Variants in B3GLCT observed in about 807,000 individuals in gnomAD.
The protein encoded by B3GLCT is beta-1,3-glucosyltransferase.
A neutral mutation model predicts 63.4 loss-of-function variants in B3GLCT; 65 were observed. That is an observed-to-expected ratio of 1.03 (90% CI 0.84 to 1.26). The LOEUF is 1.26. B3GLCT is among the 50% of genes most tolerant of loss of function. The pLI is 0.00. For synonymous variants in B3GLCT, 233 were observed against 219.2 expected, an observed-to-expected ratio of 1.06 and a Z score of -0.55; for missense variants, 577 against 604.8, an observed-to-expected ratio of 0.95 and a Z score of 0.48.
chr13:31,249,855 A>G (rs115606427), intron 6 of B3GLCT, among the ~76,000 whole-genome samples: 6,894 of 152,344 alleles, frequency 0.045, 168 homozygotes, highest in East Asian at 0.052. Flanking sequence ...AAAAAAGTAT[A>G]AAGCAAACCT....
intron 2 of B3GLCT, among the ~76,000 whole-genome samples, chr13:31,215,654 T>G (rs1869522445): frequency 6.6e-6 from 1 of 152,106 alleles, no homozygotes. Context: ...CCTCAAGTGA[T>G]CCACCCACCT....
chr13:31,269,033 T>C (rs1257201479), intron 7 of B3GLCT, among the ~76,000 whole-genome samples, 181 bp from the exon 8 acceptor site: 3 of 152,220 alleles, frequency 2.0e-5, no homozygotes, highest in Non-Finnish European at 4.4e-5. Flanking sequence ...CTTGCATTCA[T>C]TTATTGGTCA....
chr13:31,225,905 C>T (rs1870077319), intron 3 of B3GLCT, among the ~76,000 whole-genome samples: 1 of 152,164 alleles, frequency 6.6e-6, no homozygotes, highest in Non-Finnish European at 1.5e-5. Flanking sequence ...ATATAAATCC[C>T]TCATGATTTG....
Position 31,229,219 on chromosome 13 carries a change from A to C in B3GLCT, c.195A>C (p.Gln65His), listed in dbSNP as rs1397646354. ...LKGIVFVIQS[Q>H]SNSFHAKRAE... ...GAATTGTATTCGTCATCCAGAGTCA[A>C]AGTAATTCTTTTCATGCAAAGAGAG... Residue 65 changes from glutamine (Q) to histidine (H), a missense_variant, in exon 4 of 15, where the codon CAA (glutamine) becomes CAC (histidine). Coordinates refer to ENST00000343307, the MANE Select transcript of B3GLCT (RefSeq NM_194318.4). The C allele has an allele frequency of 3.1e-6, 5 of 1,613,014 alleles. No individual in the cohort carries two copies. The highest frequency in any genetic ancestry group is 3.3e-5 in the Admixed American group (2 of 60,000).
At position 31,329,495 on chromosome 13, in the gene B3GLCT, C is replaced by G. The variant is rs753248859; in HGVS notation, c.1330-6C>G. The G allele has an allele frequency of 1.9e-6, 3 of 1,614,160 alleles. No individual in the cohort carries two copies. Among genetic ancestry groups the G allele is most frequent in the South Asian group, 2.2e-5 (2 of 91,074 alleles). ...AAGGAAGCCTAACTCTCTATTTTTC[C>G]TGCAGGCTCGGCCGGTGGATTACCC... On this transcript the variant is annotated splice_region_variant and splice_polypyrimidine_tract_variant and intron_variant, in intron 14 of 14. Coordinates refer to ENST00000343307, the MANE Select transcript of B3GLCT (RefSeq NM_194318.4).
chr13:31,301,504 A>G (rs112363948), intron 12 of B3GLCT, among the ~76,000 whole-genome samples: 9 of 152,240 alleles, frequency 5.9e-5, no homozygotes, highest in Admixed American at 6.5e-5. Context: ...ACCATTTCAC[A>G]TGAAGTATGT....
In B3GLCT at chr13:31,253,509, C is replaced by T. The variant is rs567532192; in HGVS notation, c.459+5543C>T. 1.2e-4 allele frequency among the ~76,000 whole-genome samples: 17 copies of T among 141,570 alleles called. No homozygotes were observed. The East Asian group carries it at 3.1e-3, about 26-fold the overall frequency. 92.9% of individuals were successfully genotyped at this position (141,570 alleles called of 152,430 possible). ...TCGGGAGGCTGAGGCAGGAGAATGG[C>T]GTGAACCCGGCAGGTGGAGCTTGCA... On this transcript the variant is annotated intron_variant, in intron 6 of 14. Coordinates refer to ENST00000343307, the MANE Select transcript of B3GLCT (RefSeq NM_194318.4).
At chr13:31,293,571 T>G (rs945004963) in intron 12 of B3GLCT, among the ~76,000 whole-genome samples, 1 of 152,146 alleles carries the variant, frequency 6.6e-6, no homozygotes, top group Non-Finnish European at 1.5e-5. Flanking sequence ...TTCTTTGTCT[T>G]TTTTGATCTT....
chr13:31,245,743 AT>A (rs1476291964), intron 4 of B3GLCT, among the ~76,000 whole-genome samples: 2 of 152,048 alleles, frequency 1.3e-5, no homozygotes, highest in African/African-American at 4.8e-5. Context: ...TTTACACATG[AT>A]TTTCTGCTCT....
intron 12 of B3GLCT, among the ~76,000 whole-genome samples, chr13:31,316,430 T>TATATATATATATATATAA (rs1298458509): frequency 1.7e-5 from 2 of 118,192 alleles, no homozygotes; most frequent in Non-Finnish European, 3.5e-5. Flanking sequence ...TATATATATA[T>TATATATATATATATATAA]AAATTTTTTT....
chr13:31,308,166 ACT>A (rs1196797524), intron 12 of B3GLCT, among the ~76,000 whole-genome samples: 1 of 44,164 alleles, frequency 2.3e-5, no homozygotes, highest in Admixed American at 2.8e-4. Context: ...GGAATATCAC[ACT>A]CTGGTGACTG....
chr13:31,215,352 G>A (rs1288050713), intron 2 of B3GLCT, among the ~76,000 whole-genome samples: 1 of 152,172 alleles, frequency 6.6e-6, no homozygotes, highest in African/African-American at 2.4e-5. Flanking sequence ...TTTTGACATA[G>A]AGTTGGACAT....
intron 6 of B3GLCT, among the ~76,000 whole-genome samples, chr13:31,255,173 C>A (rs1005162066): frequency 6.6e-6 from 1 of 151,932 alleles, no homozygotes; most frequent in Non-Finnish European, 1.5e-5. Context: ...AGACAGAGAG[C>A]CAAATCATGA....
chr13:31,310,424 TC>T (rs1874645038), intron 12 of B3GLCT, among the ~76,000 whole-genome samples: 5 of 152,310 alleles, frequency 3.3e-5, no homozygotes, highest in Admixed American at 3.3e-4. Flanking sequence ...TATAACACTT[TC>T]CTGGCTGGCT....
intron 12 of B3GLCT, among the ~76,000 whole-genome samples, chr13:31,316,442 T>A (rs1875036189): frequency 7.7e-6 from 1 of 129,808 alleles, no homozygotes; most frequent in Non-Finnish European, 1.7e-5. Context: ...AATTTTTTTT[T>A]TTTGAGACGG....
intron 12 of B3GLCT, among the ~76,000 whole-genome samples, chr13:31,298,786 G>A (rs750392334): frequency 6.6e-6 from 1 of 152,154 alleles, no homozygotes; most frequent in Non-Finnish European, 1.5e-5. Context: ...AAAGCTAGTG[G>A]GTTATTTTTA....
intron 12 of B3GLCT, among the ~76,000 whole-genome samples, chr13:31,294,350 T>C (rs557125525): frequency 6.6e-6 from 1 of 152,346 alleles, no homozygotes; most frequent in East Asian, 1.9e-4. Flanking sequence ...AGTTTGAATG[T>C]TAGCTTGTCT....
rs71432606 is a variant in B3GLCT, at chr13:31,308,362, A to AAC, written c.1065-9203_1065-9202insCA. Among the ~76,000 whole-genome samples, 8 of 61,890 alleles carry AAC rather than the reference A, an allele frequency of 1.3e-4. 1 individual carries two copies. The highest frequency in any genetic ancestry group is 2.1e-4 in the Admixed American group (1 of 4,730). The allele number at this position is 61,890 out of a possible 152,430, so 40.6% of individuals were successfully genotyped here. The stretch of plus-strand genomic sequence containing the variant: ...AAAAAAAAATTAAAAAAAAAAAAAC[A>AAC]AAAAAAAAAGCTAGTCCCACATGGC... On this transcript the variant is annotated intron_variant, in intron 12 of 14. Coordinates refer to ENST00000343307, the MANE Select transcript of B3GLCT (RefSeq NM_194318.4).
At chr13:31,249,487 C>A (rs1404715466) in intron 6 of B3GLCT, among the ~76,000 whole-genome samples, 2 of 152,142 alleles carry the variant, frequency 1.3e-5, no homozygotes, top group Non-Finnish European at 2.9e-5. Flanking sequence ...GAAAAACTCC[C>A]AAATCTTTTT....
Sources: gnomAD v4.1 joint callset for allele counts (sites outside exome capture counted in the v4.1 genomes callset) on GRCh38, gnomAD v4.1.1 for gene constraint, MANE v1.5 for transcripts, NCBI Gene and HGNC (gene_info 2026-07-23, HGNC 2026-07-21) for gene names.